The following MRTFB variants were observed in gnomAD, a reference collection of about 807,000 sequenced individuals.
MRTFB encodes the protein myocardin-related transcription factor B.
MRTFB carries 29 observed loss-of-function variants against 104.2 expected under a neutral mutation model. The observed-to-expected ratio is 0.28, with a 90% CI of 0.21 to 0.38. The LOEUF is 0.38. Among genes scored for constraint, MRTFB ranks in the 10% least tolerant of loss-of-function variants. MRTFB has a pLI of 1.00. For missense variants in MRTFB, 1,270 were observed against 1,341.6 expected (o/e 0.95, Z 0.83); for synonymous variants, 535 against 519.5 (o/e 1.03, Z -0.41).
At chr16:14,083,691 C>T (rs1358904308) in intron 2 of MRTFB, among the ~76,000 whole-genome samples, 1 of 152,100 alleles carries the variant, frequency 6.6e-6, no homozygotes, top group East Asian at 1.9e-4. Flanking sequence ...CCACCTTCAG[C>T]GTGTCTTTTA....
At chr16:14,051,517 A>G in the MRTFB span, among the ~76,000 whole-genome samples, 2 of 152,020 alleles carry the variant, frequency 1.3e-5, no homozygotes, top group Non-Finnish European at 2.9e-5. Context: ...ATACACTCAT[A>G]CAAATATACA....
chr16:14,217,966 G>T (rs1423508168), intron 7 of MRTFB, among the ~76,000 whole-genome samples: 1 of 152,224 alleles, frequency 6.6e-6, no homozygotes, highest in Non-Finnish European at 1.5e-5. Flanking sequence ...AATCAGGTGA[G>T]ATGTCAGTGT....
At chr16:14,107,504 AAGG>A (rs2036044492) in intron 2 of MRTFB, among the ~76,000 whole-genome samples, 1 of 152,184 alleles carries the variant, frequency 6.6e-6, no homozygotes, top group Non-Finnish European at 1.5e-5. Flanking sequence ...GACCAGATAC[AAGG>A]TTTAAGAACA....
chr16:14,144,138 A>G (rs2038169089), intron 3 of MRTFB: 1 of 152,202 alleles, frequency 6.6e-6, no homozygotes, highest in South Asian at 2.1e-4. Flanking sequence ...AGTAGCTTCA[A>G]AAGAAGTTGG....
chr16:14,233,499 A>G lies in MRTFB; in HGVS notation c.694-647A>G, dbSNP rs116584978. Among the ~76,000 whole-genome samples the G allele has an allele frequency of 5.0e-3, 759 of 152,204 alleles. 5 individuals are homozygous for G. Among genetic ancestry groups the G allele is most frequent in the African/African-American group, 0.017 (713 of 41,520 alleles). ...ATAGCAAAGGGACTTTATGAATACC[A>G]TGTATTGACCAGGCACAGTGGCTCA... is the stretch of plus-strand genomic sequence containing the variant. On this transcript the variant is annotated intron_variant, in intron 8 of 16. Transcript: ENST00000571589.
chr16:14,079,102 C>T (rs902757831), intron 1 of MRTFB, among the ~76,000 whole-genome samples, 188 bp from the exon 2 acceptor site: 1 of 152,136 alleles, frequency 6.6e-6, no homozygotes, highest in African/African-American at 2.4e-5. Flanking sequence ...TATAGGTTCT[C>T]GAACAATTTA....
At chr16:14,156,365 T>C (rs944770681) in intron 3 of MRTFB, among the ~76,000 whole-genome samples, 1 of 152,204 alleles carries the variant, frequency 6.6e-6, no homozygotes. Flanking sequence ...TATCAGTTTA[T>C]TTTTGGACCC....
At chr16:14,111,373 G>C (rs2036258258) in intron 2 of MRTFB, among the ~76,000 whole-genome samples, 1 of 150,960 alleles carries the variant, frequency 6.6e-6, no homozygotes, top group African/African-American at 2.4e-5. Flanking sequence ...TAAAATAGAA[G>C]CCAAGCTCAT....
At position 14,079,534 on chromosome 16, in the gene MRTFB, A is replaced by G. The variant is rs577687918; in HGVS notation, c.-64+180A>G. On this transcript the variant is annotated intron_variant, in intron 2 of 16. Coordinates refer to ENST00000571589, the MANE Select transcript of MRTFB (RefSeq NM_001308142.2). ...GAATGTGGACTGTTCAAGTAAGTTC[A>G]TTTGACGTTCTCAACCTCTTCGAAT... 4.5e-4 allele frequency among the ~76,000 whole-genome samples: 68 copies of G among 152,274 alleles called. 1 individual carries two copies. In the South Asian group the frequency reaches 0.014, roughly 31 times the overall value.
chr16:14,081,111 C>T (rs899330636), intron 2 of MRTFB, among the ~76,000 whole-genome samples: 1 of 152,120 alleles, frequency 6.6e-6, no homozygotes, highest in Admixed American at 6.5e-5. Context: ...ATTTACATTC[C>T]TCCCAATGGT....
chr16:14,111,483 A>T (rs543262381), intron 2 of MRTFB, among the ~76,000 whole-genome samples: 1 of 152,344 alleles, frequency 6.6e-6, no homozygotes, highest in South Asian at 2.1e-4. Flanking sequence ...GTGAATAAAG[A>T]ACTTCAGAAA....
chr16:14,236,734 G>A (rs374504280), intron 9 of MRTFB, among the ~76,000 whole-genome samples: 2 of 152,202 alleles, frequency 1.3e-5, no homozygotes, highest in Non-Finnish European at 2.9e-5. Flanking sequence ...AGAGACCAGC[G>A]TCTGTAGAGC....
chr16:14,256,263 C>T (rs867137406), intron 15 of MRTFB, among the ~76,000 whole-genome samples: 1 of 144,902 alleles, frequency 6.9e-6, no homozygotes, highest in South Asian at 2.1e-4. Context: ...TAAACCCAAA[C>T]TTAACCATGT....
chr16:14,058,499 T>G, the MRTFB span, among the ~76,000 whole-genome samples: 12 of 152,146 alleles, frequency 7.9e-5, no homozygotes, highest in African/African-American at 2.9e-4. Flanking sequence ...AACGACTGTG[T>G]GAGGTAGGTA....
At chr16:14,065,549 GA>G in the MRTFB span, among the ~76,000 whole-genome samples, 2 of 152,164 alleles carry the variant, frequency 1.3e-5, no homozygotes, top group Non-Finnish European at 2.9e-5. Context: ...TTTTCAAGGG[GA>G]ATGCTTCCTG....
At chr16:13,998,695 G>T in the MRTFB span, among the ~76,000 whole-genome samples, 5 of 151,236 alleles carry the variant, frequency 3.3e-5, no homozygotes, top group Admixed American at 6.6e-5. Context: ...AGAAGAGGAA[G>T]AGGGAAGAAG....
chr16:14,021,761 T>C, the MRTFB span, among the ~76,000 whole-genome samples: 1 of 152,228 alleles, frequency 6.6e-6, no homozygotes, highest in Non-Finnish European at 1.5e-5. Context: ...AATTCATTCC[T>C]TTTTATAGCT....
chr16:14,080,020 T>C (rs2034302021), intron 2 of MRTFB, among the ~76,000 whole-genome samples: 1 of 152,228 alleles, frequency 6.6e-6, no homozygotes, highest in Non-Finnish European at 1.5e-5. Flanking sequence ...TCCTACATGA[T>C]CATTTTACTG....
chr16:14,214,920 C>G (rs1407249655), intron 6 of MRTFB: 2 of 152,102 alleles, frequency 1.3e-5, no homozygotes, highest in East Asian at 3.9e-4. Flanking sequence ...GGGTTGTGTT[C>G]TCAGAAGTCC....
Sources: allele counts gnomAD v4.1 joint callset (sites outside exome capture counted in the v4.1 genomes callset), GRCh38; gene constraint gnomAD v4.1.1; transcripts MANE v1.5; gene names NCBI Gene and HGNC (gene_info 2026-07-23, HGNC 2026-07-21).